Variants in DENND4C observed in about 807,000 individuals in gnomAD.
DENND4C encodes DENN domain containing 4C.
DENND4C carries 108 observed loss-of-function variants against 203.0 expected under a neutral mutation model. The ratio of observed to expected loss-of-function variants is 0.53; its 90% CI spans 0.46 to 0.62. The LOEUF (loss-of-function observed/expected upper bound fraction) is 0.62. Among genes scored for constraint, DENND4C ranks in the 20% least tolerant of loss-of-function variants. The pLI is 0.00. For synonymous variants in DENND4C, 871 were observed against 792.4 expected, an observed-to-expected ratio of 1.10 and a Z score of -1.67; for missense variants, 2,481 against 2,301.2, an observed-to-expected ratio of 1.08 and a Z score of -1.60.
At chr9:19,308,581 G>A (rs532619059) in intron 10 of DENND4C, among the ~76,000 whole-genome samples, 131 of 152,262 alleles carry the variant, frequency 8.6e-4, no homozygotes, top group African/African-American at 3.0e-3. Context: ...TCTGCTGTAT[G>A]CATTCCAGAT....
intron 2 of DENND4C, among the ~76,000 whole-genome samples, chr9:19,282,905 G>A (rs970481584): frequency 6.6e-6 from 1 of 151,506 alleles, no homozygotes; most frequent in Non-Finnish European, 1.5e-5. Context: ...TTTCAGTAGA[G>A]ACAGGGTTTC....
chr9:19,290,184 G>A (rs998788729), intron 4 of DENND4C, among the ~76,000 whole-genome samples: 1 of 151,996 alleles, frequency 6.6e-6, no homozygotes, highest in Non-Finnish European at 1.5e-5. Flanking sequence ...CTACTTTCTG[G>A]GTCTCACATA....
intron 10 of DENND4C, among the ~76,000 whole-genome samples, chr9:19,306,540 A>G (rs1370172523): frequency 2.0e-5 from 3 of 152,084 alleles, no homozygotes; most frequent in South Asian, 4.1e-4. Flanking sequence ...CTGAAAAACA[A>G]TTATTTCAGG....
intron 2 of DENND4C, among the ~76,000 whole-genome samples, chr9:19,280,184 G>T (rs1302228207): frequency 6.7e-6 from 1 of 148,584 alleles, no homozygotes; most frequent in Non-Finnish European, 1.5e-5. Flanking sequence ...ACAGAGTCTC[G>T]CTCTGTCCAG....
Position 19,304,908 on chromosome 9 carries a change from G to GTT in DENND4C, c.1312-430_1312-429dup, listed in dbSNP as rs80168964. On this transcript the variant is annotated intron_variant, in intron 9 of 32. Coordinates refer to ENST00000434457, the MANE Select transcript of DENND4C (RefSeq NM_001330640.2). ...GTTAGCATTCCCTGGAAAATAATTA[G>GTT]TTTTTTTTTTTTTTTAAATCCTGGA... 3.2e-4 allele frequency among the ~76,000 whole-genome samples: 45 copies of GTT among 141,236 alleles called. No individual in the cohort carries two copies. In the South Asian group the frequency reaches 7.7e-3, roughly 24 times the overall value. The allele number at this position is 141,236 out of a possible 152,430, so 92.7% of individuals were successfully genotyped here.
chr9:19,342,791 C>A lies in DENND4C; in HGVS notation c.3151+12C>A. The stretch of plus-strand genomic sequence containing the variant: ...GAAAAGTAGCACTGGTGAGTCTTTA[C>A]ATTTTGGTTATTAAATATTTAAAAT... On this transcript the variant is annotated intron_variant, in intron 22 of 32. Coordinates refer to ENST00000434457, the MANE Select transcript of DENND4C (RefSeq NM_001330640.2). 1 of 1,565,632 alleles carries A rather than the reference C, an allele frequency of 6.4e-7. No individual in the cohort carries two copies. Among genetic ancestry groups the A allele is most frequent in the South Asian group, 1.2e-5 (1 of 81,708 alleles).
chr9:19,276,359 C>T lies in DENND4C; in HGVS notation c.185C>T (p.Thr62Ile), dbSNP rs1039747535. ...GGAGAAACAGTACCTGAAGGTTACACCTGTGTAGAAGCCACTCCATCAGCT... is the reference window on the plus strand; with the variant it reads ...GGAGAAACAGTACCTGAAGGTTACATCTGTGTAGAAGCCACTCCATCAGCT... The part of the protein sequence containing the change: ...SAGETVPEGY[T>I]CVEATPSALQ... The change falls in exon 2 of 33, where the codon ACC (threonine) becomes ATC (isoleucine). Residue 62 changes from threonine to isoleucine, a missense_variant. By Grantham distance (89) the Thr-to-Ile change is moderately conservative. Around this residue, in one of 3 missense-constraint regions of DENND4C, gnomAD observed 187 missense variants for 167.4 expected, o/e 1.12. Coordinates refer to ENST00000434457, the MANE Select transcript of DENND4C (RefSeq NM_001330640.2). 9 of 1,231,942 alleles carry T rather than the reference C, an allele frequency of 7.3e-6. No homozygotes were observed. The highest frequency in any genetic ancestry group is 8.1e-6 in the Non-Finnish European group (8 of 987,926). The allele number at this position is 1,231,942 out of a possible 1,614,324, so 76.3% of individuals were successfully genotyped here.
intron 2 of DENND4C, among the ~76,000 whole-genome samples, chr9:19,280,213 G>C (rs1854550): frequency 0.25 from 37,136 of 151,350 alleles, 4,669 homozygotes; most frequent in East Asian, 0.44. Flanking sequence ...GCAGTGGTGC[G>C]ATCTCGGCTC....
At chr9:19,287,739 A>AC (rs71335416) in intron 3 of DENND4C, among the ~76,000 whole-genome samples, 145,345 of 151,060 alleles carry the variant, frequency 0.96, 70,138 homozygotes, top group East Asian at 1. Flanking sequence ...TTGCATACTT[A>AC]TTTTTTTTTT....
At chr9:19,290,473 A>C (rs1300227547) in intron 4 of DENND4C, among the ~76,000 whole-genome samples, 1 of 152,214 alleles carries the variant, frequency 6.6e-6, no homozygotes, top group African/African-American at 2.4e-5. Flanking sequence ...TGGAATCTCA[A>C]CTAGTATATT....
At chr9:19,295,692 AG>A (rs1837322277) in intron 5 of DENND4C, among the ~76,000 whole-genome samples, 1 of 151,702 alleles carries the variant, frequency 6.6e-6, no homozygotes, top group African/African-American at 2.4e-5. Flanking sequence ...AAAAAGAAAA[AG>A]AAAAATCCAC....
chr9:19,336,805 G>A lies in DENND4C; in HGVS notation c.2854G>A (p.Glu952Lys), dbSNP rs1033386472. 20 of 1,550,524 alleles carry A rather than the reference G, an allele frequency of 1.3e-5. No individual in the cohort carries two copies. In the African/African-American group the frequency reaches 2.5e-4, roughly 19 times the overall value. ...CTTCGTCAGAGATTTAATCAGGCTTGAGTCCATTGATAATCACTCTAGCAC... is the reference window on the plus strand; with the variant it reads ...CTTCGTCAGAGATTTAATCAGGCTTAAGTCCATTGATAATCACTCTAGCAC... ...TVFVRDLIRL[E>K]SIDNHSSTGG... The change falls in exon 20 of 33, where the codon GAG (glutamate) becomes AAG (lysine). Residue 952 changes from glutamate (E) to lysine (K), a missense_variant. Glu to Lys is a moderately conservative substitution (Grantham distance 56). Coordinates refer to ENST00000434457, the MANE Select transcript of DENND4C (RefSeq NM_001330640.2).
chr9:19,253,669 TA>T (rs1827211164), intron 1 of DENND4C, among the ~76,000 whole-genome samples: 4 of 152,210 alleles, frequency 2.6e-5, no homozygotes, highest in African/African-American at 9.6e-5. Context: ...TTTGAACCTT[TA>T]AAAAATATCT....
chr9:19,336,564 T>C (rs1302670350), intron 19 of DENND4C, 122 bp from the exon 20 acceptor site: 1 of 1,433,480 alleles, frequency 7.0e-7, no homozygotes, highest in Non-Finnish European at 9.2e-7. Flanking sequence ...AAAATTATTT[T>C]TGTTTTTTTC....
intron 1 of DENND4C, among the ~76,000 whole-genome samples, chr9:19,248,661 A>T (rs73423078): frequency 0.063 from 9,617 of 152,214 alleles, 573 homozygotes; most frequent in African/African-American, 0.15. Context: ...AAATGCTGGG[A>T]TTACAGGTGT....
chr9:19,305,453 C>T lies in DENND4C; in HGVS notation c.1413C>T (p.Asp471=). ...CTTTACCATTTATAGTTGGAGTTGA[C>T]TCAAGGTATTTTGATCTTCATGACC... The part of the protein sequence containing the change: ...SAPLPFIVGV[D]SRYFDLHDPP... The change falls in exon 10 of 33, where the codon GAC becomes GAT. Residue 471 remains aspartate (D), a synonymous_variant. Coordinates refer to ENST00000434457, the MANE Select transcript of DENND4C (RefSeq NM_001330640.2). The T allele has an allele frequency of 6.2e-7, 1 of 1,613,890 alleles. No individual in the cohort carries two copies. Among genetic ancestry groups the T allele is most frequent in the Non-Finnish European group, 8.5e-7 (1 of 1,179,952 alleles).
chr9:19,316,580 T>G, intron 11 of DENND4C, 41 bp from the exon 12 acceptor site: 2 of 1,604,058 alleles, frequency 1.2e-6, no homozygotes, highest in Non-Finnish European at 1.7e-6. Context: ...TCTTCTTAAA[T>G]TTAACATAAT....
chr9:19,367,374 C>G (rs1827901253), intron 30 of DENND4C, among the ~76,000 whole-genome samples: 1 of 152,226 alleles, frequency 6.6e-6, no homozygotes, highest in African/African-American at 2.4e-5. Context: ...CACATGAAAA[C>G]TTGCACATGA....
At chr9:19,286,658 A>G (rs912537657) in intron 2 of DENND4C, 111 bp from the exon 3 acceptor site, 2 of 1,093,052 alleles carry the variant, frequency 1.8e-6, no homozygotes, top group East Asian at 6.5e-5. Context: ...ATTTTCTTTG[A>G]TTTCAAGAAG....
Sources: allele counts gnomAD v4.1 joint callset (sites outside exome capture counted in the v4.1 genomes callset), GRCh38; gene constraint gnomAD v4.1.1; regional missense constraint gnomAD v4.1.1; transcripts MANE v1.5; gene names NCBI Gene and HGNC (gene_info 2026-07-23, HGNC 2026-07-21).